TBCD: variants seen among roughly 807,000 people sequenced by gnomAD.
TBCD encodes tubulin-specific chaperone D.
A neutral mutation model predicts 169.3 loss-of-function variants in TBCD; 105 were observed. That is an observed-to-expected ratio of 0.62 (90% CI 0.53 to 0.73). TBCD has a LOEUF of 0.73. Ranked by LOEUF, TBCD falls within the 30% of genes least tolerant of loss-of-function variation. TBCD has a pLI of 0.00. For missense variants in TBCD, 1,444 were observed against 1,600.1 expected (o/e 0.90, Z 1.66); for synonymous variants, 700 against 643.9 (o/e 1.09, Z -1.32).
chr17:82,896,602 A>G (rs1188487885), intron 17 of TBCD, among the ~76,000 whole-genome samples: 1 of 151,742 alleles, frequency 6.6e-6, no homozygotes, highest in Non-Finnish European at 1.5e-5. Context: ...AGTAGCTGGG[A>G]CTACAGGCAC....
rs1224461042 is a variant in TBCD, at chr17:82,832,103, G to A, written c.1318+17169G>A. On this transcript the variant is annotated intron_variant, in intron 13 of 38. Coordinates refer to ENST00000355528, the MANE Select transcript of TBCD (RefSeq NM_005993.5). The surrounding 1 kb of genome is among the most constrained non-coding windows in gnomAD (Gnocchi z 4.9). The stretch of plus-strand genomic sequence containing the variant: ...AGGCACCTGTGGGTTCCCCGGGCTT[G>A]CAGCTCCAGGTTTTCCTTGATGTCT... 1 of 1,614,094 alleles carries A rather than the reference G, an allele frequency of 6.2e-7. No individual in the cohort carries two copies. The highest frequency in any genetic ancestry group is 8.5e-7 in the Non-Finnish European group (1 of 1,180,034).
chr17:82,753,558 G>A (rs2047232681), intron 1 of TBCD, among the ~76,000 whole-genome samples: 1 of 147,256 alleles, frequency 6.8e-6, no homozygotes, highest in Non-Finnish European at 1.5e-5. Flanking sequence ...TCAGGTTCAA[G>A]CTATTCTCCT....
At chr17:82,916,925 G>A (rs1314399361) in intron 23 of TBCD, among the ~76,000 whole-genome samples, 1 of 151,090 alleles carries the variant, frequency 6.6e-6, no homozygotes, top group South Asian at 2.1e-4. Context: ...TATTACCCAC[G>A]TCTTGTCTGG....
Position 82,923,522 on chromosome 17 carries a change from T to C in TBCD, c.2179-130T>C, listed in dbSNP as rs1054130389. The C allele has an allele frequency of 1.3e-5, 10 of 747,998 alleles. No individual in the cohort carries two copies. Among genetic ancestry groups the C allele is most frequent in the Non-Finnish European group, 2.2e-5 (10 of 450,772 alleles). 46.3% of individuals were successfully genotyped at this position (747,998 alleles called of 1,614,324 possible). A position where few individuals can be genotyped will look rare whatever the true frequency, so the allele number is the denominator to read the frequency against. On this transcript the variant is annotated intron_variant, in intron 25 of 38. Transcript: ENST00000355528. The surrounding 1 kb of genome is among the most constrained non-coding windows in gnomAD (Gnocchi z 4.6). ...GGGTCCCTGGTCAGGCAGGGGCTGCTCTGACCTCAGGGTGACCACGGTGTC... is the reference window on the plus strand; with the variant it reads ...GGGTCCCTGGTCAGGCAGGGGCTGCCCTGACCTCAGGGTGACCACGGTGTC...
chr17:82,819,802 G>A (rs148613721), intron 13 of TBCD, among the ~76,000 whole-genome samples: 3 of 152,236 alleles, frequency 2.0e-5, no homozygotes, highest in East Asian at 3.9e-4. Flanking sequence ...TGGTCCTGGC[G>A]TAGGTCCTTT....
At chr17:82,942,380 A>AG in intron 38 of TBCD, 69 bp from the exon 39 acceptor site, 1 of 1,609,110 alleles carries the variant, frequency 6.2e-7, no homozygotes, top group South Asian at 1.1e-5. Flanking sequence ...CAGAGGGGTG[A>AG]GGGTCCCCTG....
At chr17:82,902,501 G>A (rs957747450) in intron 18 of TBCD, among the ~76,000 whole-genome samples, 2 of 152,194 alleles carry the variant, frequency 1.3e-5, no homozygotes, top group African/African-American at 2.4e-5. Context: ...GTTGGGTGTC[G>A]CTCAGGGTGT....
chr17:82,848,884 C>G (rs1598912060), intron 13 of TBCD, among the ~76,000 whole-genome samples: 2 of 88,442 alleles, frequency 2.3e-5, no homozygotes, highest in Non-Finnish European at 4.6e-5. Context: ...CGATGTCCCC[C>G]TCTGCCTGCT....
intron 5 of TBCD, among the ~76,000 whole-genome samples, chr17:82,769,580 T>A (rs1294069712): frequency 6.6e-6 from 1 of 152,188 alleles, no homozygotes; most frequent in Non-Finnish European, 1.5e-5. Flanking sequence ...GATTAATAAT[T>A]TAACCTATAC....
intron 7 of TBCD, among the ~76,000 whole-genome samples, chr17:82,793,484 C>T (rs2049890812): frequency 6.6e-6 from 1 of 152,198 alleles, no homozygotes; most frequent in African/African-American, 2.4e-5. Flanking sequence ...TTCTGGCCTC[C>T]AGTAGTGGTG....
chr17:82,813,843 C>G lies in TBCD; in HGVS notation c.1224-997C>G, dbSNP rs375769033. Among the ~76,000 whole-genome samples, 15 of 152,338 alleles carry G rather than the reference C, an allele frequency of 9.8e-5. 1 individual carries two copies. The South Asian group carries it at 2.3e-3, about 23-fold the overall frequency. ...GTGACAGTGAGCTCTGAGGAGCCCG[C>G]TGGTGGACGCTGGTGTCTGTCTCAG... On this transcript the variant is annotated intron_variant, in intron 12 of 38. Coordinates refer to ENST00000355528, the MANE Select transcript of TBCD (RefSeq NM_005993.5).
chr17:82,907,700 G>A, intron 20 of TBCD, 61 bp from the exon 21 acceptor site: 1 of 1,589,758 alleles, frequency 6.3e-7, no homozygotes, highest in Admixed American at 1.7e-5. Flanking sequence ...GCTCCTCCGA[G>A]TGTACTCGGG....
At chr17:82,848,813 C>T (rs1003359201) in intron 13 of TBCD, among the ~76,000 whole-genome samples, 1 of 151,854 alleles carries the variant, frequency 6.6e-6, no homozygotes, top group African/African-American at 2.4e-5. Flanking sequence ...GTGTCTTCCC[C>T]CGCTCTGCTG....
At chr17:82,863,415 C>T (rs74000106) in intron 13 of TBCD, among the ~76,000 whole-genome samples, 1,560 of 152,260 alleles carry the variant, frequency 0.01, 20 homozygotes, top group African/African-American at 0.035. Context: ...CCAGCCAGGT[C>T]CTAGGGAAAG....
At chr17:82,845,772 G>A (rs11652203) in intron 13 of TBCD, among the ~76,000 whole-genome samples, 63,520 of 152,108 alleles carry the variant, frequency 0.42, 13,506 homozygotes, top group East Asian at 0.54. Flanking sequence ...CCTGGGCCTC[G>A]GTCTTCCTGT....
intron 13 of TBCD, among the ~76,000 whole-genome samples, chr17:82,846,360 T>C (rs12938470): frequency 0.073 from 3,973 of 54,104 alleles, 170 homozygotes; most frequent in African/African-American, 0.16. Context: ...GCCCCCTCCA[T>C]GCGCTGTGTC....
chr17:82,933,949 C>T (rs912190292), intron 34 of TBCD, among the ~76,000 whole-genome samples: 1 of 152,252 alleles, frequency 6.6e-6, no homozygotes, highest in Non-Finnish European at 1.5e-5. Flanking sequence ...GGACCCAGAG[C>T]TGTGCTGGTC....
chr17:82,772,336 GGTTT>G, intron 5 of TBCD, 112 bp from the exon 6 acceptor site: 4 of 1,049,012 alleles, frequency 3.8e-6, no homozygotes, highest in Non-Finnish European at 6.0e-6. Context: ...GTGCTGGTAA[GGTTT>G]GTGAACCTGG....
At chr17:82,819,892 C>T (rs1243043752) in intron 13 of TBCD, among the ~76,000 whole-genome samples, 1 of 152,122 alleles carries the variant, frequency 6.6e-6, no homozygotes, top group Admixed American at 6.5e-5. Context: ...TGAGTAAGCT[C>T]CTACAATGTT....
Sources: gnomAD v4.1 joint callset for allele counts (sites outside exome capture counted in the v4.1 genomes callset) on GRCh38, gnomAD v4.1.1 for gene constraint, Gnocchi (gnomAD v3.1) non-coding constraint, MANE v1.5 for transcripts, NCBI Gene and HGNC (gene_info 2026-07-23, HGNC 2026-07-21) for gene names.